Variants in RBFOX1 observed in about 807,000 individuals in gnomAD.
RBFOX1 encodes RNA binding protein fox-1 homolog 1.
In RBFOX1, 8 loss-of-function variants were observed where a neutral mutation model predicts 57.7. The observed-to-expected ratio is 0.14, with a 90% CI of 0.08 to 0.25. The LOEUF is 0.25. RBFOX1 is among the 10% of genes least tolerant of loss of function. The pLI, the probability that RBFOX1 is intolerant of heterozygous loss-of-function variation, is 1.00. For missense variants in RBFOX1, 611 were observed against 548.5 expected (o/e 1.11, Z -1.14); for synonymous variants, 326 against 222.4 (o/e 1.47, Z -4.15).
intron 15 of RBFOX1, 47 bp from the exon 16 acceptor site, chr16:7,710,576 C>CA (rs2083862482): frequency 3.7e-6 from 6 of 1,606,934 alleles, no homozygotes; most frequent in African/African-American, 1.3e-5. Flanking sequence ...CCACATGTTG[C>CA]AAAAGGAAAA....
At chr16:5,985,151 C>CAT (rs1208901107) in intron 4 of RBFOX1, among the ~76,000 whole-genome samples, 22 of 150,476 alleles carry the variant, frequency 1.5e-4, no homozygotes, top group Non-Finnish European at 2.4e-4. Context: ...ATACCCGGCT[C>CAT]ATATATATAT....
At chr16:7,273,735 C>G (rs1169672484) in intron 4 of RBFOX1, among the ~76,000 whole-genome samples, 1 of 152,158 alleles carries the variant, frequency 6.6e-6, no homozygotes, top group East Asian at 1.9e-4. Flanking sequence ...TCTAAATTCC[C>G]CATTCATCAG....
chr16:7,047,523 T>C (rs1385701541), intron 3 of RBFOX1, among the ~76,000 whole-genome samples: 1 of 152,110 alleles, frequency 6.6e-6, no homozygotes, highest in Non-Finnish European at 1.5e-5. Context: ...GTGATATATG[T>C]GGTTGTGGAT....
At chr16:6,007,326 A>G (rs1444082484) in intron 4 of RBFOX1, among the ~76,000 whole-genome samples, 1 of 152,162 alleles carries the variant, frequency 6.6e-6, no homozygotes, top group African/African-American at 2.4e-5. Flanking sequence ...CCACATCCTG[A>G]GCTGCCCACT....
intron 3 of RBFOX1, among the ~76,000 whole-genome samples, chr16:6,747,044 C>T (rs79824491): frequency 6.6e-6 from 1 of 152,146 alleles, no homozygotes; most frequent in African/African-American, 2.4e-5. Context: ...GAAGTCCTAG[C>T]AGACCTCTGC....
chr16:7,435,636 G>A (rs929818480), intron 4 of RBFOX1, among the ~76,000 whole-genome samples: 2 of 152,208 alleles, frequency 1.3e-5, no homozygotes, highest in African/African-American at 4.8e-5. Flanking sequence ...ACTATTGCAA[G>A]CCACATTGAA....
intron 4 of RBFOX1, among the ~76,000 whole-genome samples, chr16:7,243,369 C>T (rs1295011399): frequency 6.6e-6 from 1 of 152,070 alleles, no homozygotes; most frequent in Non-Finnish European, 1.5e-5. Context: ...GATGAAGAGA[C>T]ATCATGGTCA....
At chr16:5,799,121 G>A (rs1475685899) in intron 3 of RBFOX1, among the ~76,000 whole-genome samples, 1 of 152,134 alleles carries the variant, frequency 6.6e-6, no homozygotes, top group Admixed American at 6.5e-5. Context: ...ATGGTGGCAG[G>A]TGAAAGGCAC....
At chr16:6,697,379 A>G (rs1040827555) in intron 3 of RBFOX1, among the ~76,000 whole-genome samples, 4 of 152,206 alleles carry the variant, frequency 2.6e-5, no homozygotes, top group African/African-American at 7.2e-5. Context: ...GGTGCAAGCA[A>G]CAGAAACCCA....
At chr16:6,342,914 A>G (rs1170141667) in intron 2 of RBFOX1, among the ~76,000 whole-genome samples, 1 of 152,168 alleles carries the variant, frequency 6.6e-6, no homozygotes, top group Non-Finnish European at 1.5e-5. Flanking sequence ...TGATGAAATC[A>G]GGTGCTTTGA....
intron 3 of RBFOX1, among the ~76,000 whole-genome samples, chr16:5,712,895 A>C (rs1485779380): frequency 6.6e-6 from 1 of 152,134 alleles, no homozygotes; most frequent in Admixed American, 6.6e-5. Context: ...CTCTGTTTTT[A>C]AATATTGACT....
intron 2 of RBFOX1, among the ~76,000 whole-genome samples, chr16:5,509,667 T>A (rs1030794236): frequency 6.6e-6 from 1 of 152,142 alleles, no homozygotes; most frequent in African/African-American, 2.4e-5. Context: ...AGACAGTGGA[T>A]TGGAGCGGCA....
intron 3 of RBFOX1, among the ~76,000 whole-genome samples, chr16:6,798,878 C>G (rs1306559138): frequency 6.6e-6 from 1 of 152,080 alleles, no homozygotes; most frequent in Non-Finnish European, 1.5e-5. Flanking sequence ...ACTGATGACT[C>G]TTCCTTTCTG....
intron 1 of RBFOX1, among the ~76,000 whole-genome samples, chr16:6,069,398 C>CAAAAAA (rs34337622): frequency 1.8e-5 from 2 of 113,942 alleles, no homozygotes; most frequent in African/African-American, 3.4e-5. Flanking sequence ...AACTCTGCCT[C>CAAAAAA]AAAAAAAAAA....
chr16:7,564,044 A>AT (rs2091092951), intron 5 of RBFOX1, among the ~76,000 whole-genome samples: 1 of 152,232 alleles, frequency 6.6e-6, no homozygotes, highest in African/African-American at 2.4e-5. Context: ...CCTCAGTAAC[A>AT]CAGCTGTGGA....
chr16:6,629,021 C>G (rs2098348298), intron 2 of RBFOX1, among the ~76,000 whole-genome samples: 1 of 152,094 alleles, frequency 6.6e-6, no homozygotes, highest in Non-Finnish European at 1.5e-5. Flanking sequence ...CAGAGTAAGA[C>G]TCCATCTCAA....
chr16:7,698,412 AG>A, intron 14 of RBFOX1, among the ~76,000 whole-genome samples: 1 of 152,036 alleles, frequency 6.6e-6, no homozygotes. Flanking sequence ...AATCTGCAAA[AG>A]CTGTTGAAAC....
At chr16:7,692,790 C>G (rs1001000930) in intron 14 of RBFOX1, among the ~76,000 whole-genome samples, 3 of 152,034 alleles carry the variant, frequency 2.0e-5, no homozygotes, top group African/African-American at 7.2e-5. Flanking sequence ...TTGACAAGTT[C>G]TCTTAGCTCT....
At chr16:5,337,872 C>G (rs68030152) in intron 1 of RBFOX1, among the ~76,000 whole-genome samples, 14,350 of 151,996 alleles carry the variant, frequency 0.094, 717 homozygotes, top group Middle Eastern at 0.15. Context: ...AGTAAGGCCC[C>G]ATCTCTGCAA....
Sources: allele counts gnomAD v4.1 joint callset (sites outside exome capture counted in the v4.1 genomes callset), GRCh38; gene constraint gnomAD v4.1.1; transcripts MANE v1.5; gene names NCBI Gene and HGNC (gene_info 2026-07-23, HGNC 2026-07-21).